The following ENSA variants were observed in gnomAD, a reference collection of about 807,000 sequenced individuals.
ENSA encodes endosulfine alpha.
A neutral mutation model predicts 16.8 loss-of-function variants in ENSA; 7 were observed. That is an observed-to-expected ratio of 0.42 (90% confidence interval 0.24 to 0.78). The LOEUF is 0.78. Ranked by LOEUF, ENSA falls within the 30% of genes least tolerant of loss-of-function variation. The pLI, the probability that ENSA is intolerant of heterozygous loss-of-function variation, is 0.29. For synonymous variants in ENSA, 58 were observed against 53.4 expected, an observed-to-expected ratio of 1.09 and a Z score of -0.37; for missense variants, 87 against 142.3, an observed-to-expected ratio of 0.61 and a Z score of 1.98.
chr1:150,626,258 T>C (rs1172328389), intron 2 of ENSA, among the ~76,000 whole-genome samples: 2 of 152,194 alleles, frequency 1.3e-5, no homozygotes, highest in Non-Finnish European at 2.9e-5. Context: ...GCCAACAACC[T>C]CAAAATGATT....
At chr1:150,621,396 C>G (rs1378800234), downstream of ENSA, 1 of 152,376 alleles carries the variant, frequency 6.6e-6, no homozygotes, top group Non-Finnish European at 1.5e-5. Context: ...ACCTCAGCCT[C>G]CCAAGTAAGT....
intron 3 of ENSA, chr1:150,623,249 G>C: frequency 9.7e-7 from 1 of 1,031,170 alleles, no homozygotes; most frequent in Non-Finnish European, 1.2e-6. Flanking sequence ...GGTGGTGACT[G>C]TGTGGAGGCC....
rs192781884 is a variant in ENSA at position 150,628,727 on chromosome 1, G to A, written c.57+687C>T. The stretch of plus-strand genomic sequence containing the variant: ...GCGTTAGTGTTTCCATCACGGAATC[G>A]CAGGTGCACTAAGTCCCTGCCTTGG... On this transcript the variant is annotated intron_variant, in intron 1 of 3. Transcript: ENST00000369014. 9.1e-3 allele frequency among the ~76,000 whole-genome samples: 1,379 copies of A among 152,176 alleles called. 24 individuals carry two copies. The highest frequency in any genetic ancestry group is 0.031 in the African/African-American group (1,266 of 41,506).
At chr1:150,623,223 G>T in intron 3 of ENSA, 2 of 1,068,372 alleles carry the variant, frequency 1.9e-6, no homozygotes, top group Non-Finnish European at 2.3e-6. Context: ...CAAAGACTGA[G>T]GTAGCACAGA....
At chr1:150,627,009 A>G in intron 2 of ENSA, 1 of 1,103,304 alleles carries the variant, frequency 9.1e-7, no homozygotes, top group East Asian at 6.1e-5. Flanking sequence ...AGTATAATTA[A>G]TGGCTGGTGC....
intron 1 of ENSA, 82 bp from the exon 2 acceptor site, chr1:150,627,674 C>T (rs191097653): frequency 4.8e-6 from 7 of 1,444,624 alleles, no homozygotes; most frequent in Non-Finnish European, 6.5e-6. Flanking sequence ...ATACTATCAA[C>T]TTCTCCTGGA....
chr1:150,629,366 C>T, intron 1 of ENSA, 48 bp downstream of exon 1: 1 of 1,599,022 alleles, frequency 6.3e-7, no homozygotes, highest in Middle Eastern at 1.7e-4. Context: ...CGTCTCCCGC[C>T]CCATCACGGT....
intron 3 of ENSA, chr1:150,623,329 T>C (rs1389415691): frequency 1.3e-5 from 13 of 986,840 alleles, no homozygotes; most frequent in Non-Finnish European, 1.4e-5. Flanking sequence ...CAATTTGCAT[T>C]TGGATTTTGG....
At chr1:150,624,091 A>G (rs1460469425) in intron 3 of ENSA, 1 of 985,312 alleles carries the variant, frequency 1.0e-6, no homozygotes, top group African/African-American at 1.7e-5. Context: ...TGTCATAACT[A>G]GCAAGTTGCG....
intron 1 of ENSA, chr1:150,628,949 A>C: frequency 8.3e-6 from 9 of 1,090,426 alleles, no homozygotes; most frequent in Non-Finnish European, 1.2e-5. Context: ...CCATTATAAT[A>C]ACTACACTTC....
At chr1:150,626,416 T>A (rs1649312590) in intron 2 of ENSA, 4 of 1,514,746 alleles carry the variant, frequency 2.6e-6, no homozygotes, top group Non-Finnish European at 2.7e-6. Flanking sequence ...CAAATCAGCA[T>A]CACATTATCA....
rs115203304 is a variant in ENSA, at chr1:150,622,863, C to G, written c.351-4G>C. ...GCAGCATCATTCAACTTGGCCACTG[C>G]GGACGAACACAGAAGAAAAAAAAAA... On this transcript the variant is annotated splice_polypyrimidine_tract_variant and splice_region_variant and intron_variant, in intron 3 of 3. Transcript: ENST00000369014. 1.6e-5 allele frequency: 24 copies of G among 1,513,334 alleles called. No homozygotes were observed. In the African/African-American group the frequency reaches 3.3e-4, roughly 21 times the overall value. 93.7% of individuals were successfully genotyped at this position (1,513,334 alleles called of 1,614,324 possible). A position where few individuals can be genotyped will look rare whatever the true frequency, so the allele number is the denominator to read the frequency against.
At chr1:150,623,386 A>G (rs1649088578) in intron 3 of ENSA, 1 of 985,758 alleles carries the variant, frequency 1.0e-6, no homozygotes, top group South Asian at 4.7e-5. Context: ...TGCTGTGGAA[A>G]CTGGCAAATA....
chr1:150,623,505 A>ATCAGAC (rs1336028318), intron 3 of ENSA: 1 of 985,696 alleles, frequency 1.0e-6, no homozygotes, highest in Non-Finnish European at 1.2e-6. Context: ...CTTCCTAAAA[A>ATCAGAC]TCAGACTCAT....
chr1:150,626,496 G>A (rs1649322440), intron 2 of ENSA: 2 of 1,613,624 alleles, frequency 1.2e-6, no homozygotes, highest in Non-Finnish European at 1.7e-6. Flanking sequence ...TCCGCACAGA[G>A]AAGCACACTC....
intron 3 of ENSA, chr1:150,623,293 A>C (rs1649082965): frequency 2.0e-6 from 2 of 995,188 alleles, no homozygotes; most frequent in Non-Finnish European, 2.4e-6. Flanking sequence ...TTCTGAATGG[A>C]TTTAATAATC....
At position 150,629,150 on chromosome 1, in the gene ENSA, T is replaced by C. The variant is rs587741475; in HGVS notation, c.57+264A>G. The C allele has an allele frequency of 6.2e-6, 10 of 1,614,050 alleles. 1 individual carries two copies. The highest frequency in any genetic ancestry group is 3.3e-5 in the South Asian group (3 of 91,074). ...TTTCCAACCACCCGCCCCACGTCCA[T>C]GCTCGGCCAATTATAGCACAGCGTC... On this transcript the variant is annotated intron_variant, in intron 1 of 3. Transcript: ENST00000369014.
chr1:150,627,135 A>T, intron 2 of ENSA: 1 of 1,440,084 alleles, frequency 6.9e-7, no homozygotes, highest in Non-Finnish European at 9.1e-7. Context: ...TCTAATGCTT[A>T]AAAAGTGCAC....
At chr1:150,626,087 C>T (rs1291151624) in intron 2 of ENSA, among the ~76,000 whole-genome samples, 1 of 152,214 alleles carries the variant, frequency 6.6e-6, no homozygotes, top group East Asian at 1.9e-4. Context: ...TTGTACTCCA[C>T]TCAGTAGAGG....
Sources: allele counts gnomAD v4.1 joint callset (sites outside exome capture counted in the v4.1 genomes callset), GRCh38; gene constraint gnomAD v4.1.1; transcripts MANE v1.5; gene names NCBI Gene and HGNC (gene_info 2026-07-23, HGNC 2026-07-21).